TULP4: variants seen among roughly 807,000 people sequenced by gnomAD.
TULP4 encodes tubby-related protein 4.
TULP4 carries 16 observed loss-of-function variants against 129.0 expected under a neutral mutation model. That is an observed-to-expected ratio of 0.12 (90% CI 0.08 to 0.19). TULP4 has a LOEUF of 0.19. Ranked by LOEUF, TULP4 falls within the 10% of genes least tolerant of loss-of-function variation. The pLI is 1.00. For synonymous variants in TULP4, 998 were observed against 854.0 expected (o/e 1.17, Z -2.94); for missense variants, 1,842 against 2,059.1 (o/e 0.89, Z 2.04).
At chr6:158,331,717 A>G (rs1779884640) in intron 1 of TULP4, among the ~76,000 whole-genome samples, 1 of 23,206 alleles carries the variant, frequency 4.3e-5, no homozygotes, top group Non-Finnish European at 1.4e-4. Context: ...ACACACACAC[A>G]CACACACACA....
chr6:158,409,626 G>A (rs1778047994), intron 1 of TULP4, among the ~76,000 whole-genome samples: 2 of 152,188 alleles, frequency 1.3e-5, no homozygotes, highest in African/African-American at 2.4e-5. Flanking sequence ...TAGAGAACAG[G>A]AAGTAAGCTA....
intron 4 of TULP4, among the ~76,000 whole-genome samples, chr6:158,451,022 G>A (rs1330624727): frequency 3.3e-5 from 5 of 152,044 alleles, no homozygotes; most frequent in Admixed American, 6.6e-5. Flanking sequence ...CCAAGATCGC[G>A]CCACTGCATT....
intron 8 of TULP4, chr6:158,481,590 A>G (rs1779946808): frequency 2.2e-6 from 1 of 450,292 alleles, no homozygotes; most frequent in Non-Finnish European, 4.1e-6. Context: ...TCCTCTTCAC[A>G]GTTACCGAGT....
chr6:158,424,715 T>C (rs1583861298), intron 2 of TULP4, among the ~76,000 whole-genome samples: 1 of 152,174 alleles, frequency 6.6e-6, no homozygotes, highest in African/African-American at 2.4e-5. Flanking sequence ...CAAAGTTGGT[T>C]GAATTCATGG....
At chr6:158,406,188 C>G (rs989099521) in intron 1 of TULP4, among the ~76,000 whole-genome samples, 1 of 152,158 alleles carries the variant, frequency 6.6e-6, no homozygotes, top group African/African-American at 2.4e-5. Flanking sequence ...CTCTTGGACC[C>G]TGACCTAACC....
chr6:158,439,015 C>T (rs1193928075), intron 3 of TULP4, among the ~76,000 whole-genome samples: 1 of 151,580 alleles, frequency 6.6e-6, no homozygotes, highest in African/African-American at 2.4e-5. Context: ...ACTAAAGATA[C>T]AAAAAATTAG....
Position 158,511,821 on chromosome 6 carries a change from T to A in TULP4, c.*5127T>A, listed in dbSNP as rs1173317292. On this transcript the variant is annotated 3_prime_UTR_variant, in exon 14 of 14. Coordinates refer to ENST00000367097, the MANE Select transcript of TULP4 (RefSeq NM_020245.5). ...CTATTGCTTAATAAAATTTTGCAGA[T>A]CAAAAAAGTTGTGTGCAGAATTCTT... 6.6e-6 allele frequency: 1 copy of A among 152,196 alleles called. No individual in the cohort carries two copies. The highest frequency in any genetic ancestry group is 1.5e-5 in the Non-Finnish European group (1 of 68,026). The allele number at this position is 152,196 out of a possible 1,614,324, so 9.4% of individuals were successfully genotyped here.
chr6:158,249,732 C>T (rs1352657908), intron 1 of TULP4, among the ~76,000 whole-genome samples: 1 of 152,202 alleles, frequency 6.6e-6, no homozygotes, highest in Non-Finnish European at 1.5e-5. Flanking sequence ...ATCTTAATTA[C>T]ATTAACCTTT....
At chr6:158,498,475 AC>A (rs1173520066) in intron 11 of TULP4, among the ~76,000 whole-genome samples, 193 bp from the exon 12 acceptor site, 15 of 152,368 alleles carry the variant, frequency 9.8e-5, no homozygotes, top group Non-Finnish European at 1.9e-4. Flanking sequence ...TGAATCCAGA[AC>A]TGTGGCTAGT....
At chr6:158,452,112 C>G (rs1779174713) in intron 4 of TULP4, 22 bp from the exon 5 acceptor site, 2 of 1,611,426 alleles carry the variant, frequency 1.2e-6, no homozygotes, top group African/African-American at 2.7e-5. Flanking sequence ...CTCCTTTTCA[C>G]TTGGCACTTG....
At chr6:158,368,621 G>A (rs1481734808) in intron 1 of TULP4, among the ~76,000 whole-genome samples, 1 of 152,098 alleles carries the variant, frequency 6.6e-6, no homozygotes, top group Admixed American at 6.6e-5. Flanking sequence ...TGGATTGACT[G>A]GTTCATTTCT....
chr6:158,239,442 C>A (rs1390645757), intron 1 of TULP4, among the ~76,000 whole-genome samples: 1 of 64,746 alleles, frequency 1.5e-5, no homozygotes, highest in African/African-American at 4.9e-5. Flanking sequence ...CCGGACGGGG[C>A]GGCTGGCCGG....
At chr6:158,305,324 C>CGTGCGT (rs1554278450) in intron 1 of TULP4, among the ~76,000 whole-genome samples, 5 of 141,748 alleles carry the variant, frequency 3.5e-5, no homozygotes, top group East Asian at 2.1e-4. Flanking sequence ...ATTCTGTGTG[C>CGTGCGT]GTGTGTGTGT....
rs969822676 is a variant in TULP4 at position 158,392,971 on chromosome 6, AC to A, written c.253-20093del. On this transcript the variant is annotated intron_variant, in intron 1 of 13. Transcript: ENST00000367097. Reference sequence around the variant, plus strand: ...ACTCCAGCCTGGGTGACAGAGTGAGACTCTGTCTGTATTTAAAAAAAAAAAA... The same window carrying A: ...ACTCCAGCCTGGGTGACAGAGTGAGATCTGTCTGTATTTAAAAAAAAAAAA... Among the ~76,000 whole-genome samples the A allele has an allele frequency of 3.4e-5, 3 of 89,234 alleles. No homozygotes were observed. The East Asian group carries it at 8.4e-4, about 25-fold the overall frequency. The allele number at this position is 89,234 out of a possible 152,430, so 58.5% of individuals were successfully genotyped here.
chr6:158,240,356 A>C (rs1583666057), intron 1 of TULP4, among the ~76,000 whole-genome samples: 1 of 60,894 alleles, frequency 1.6e-5, no homozygotes, highest in Non-Finnish European at 3.4e-5. Flanking sequence ...TGACTCCCCC[A>C]CCTCCCTCCC....
intron 1 of TULP4, among the ~76,000 whole-genome samples, chr6:158,411,039 ACTT>A (rs1189674738): frequency 6.6e-6 from 1 of 151,324 alleles, no homozygotes; most frequent in East Asian, 1.9e-4. Flanking sequence ...AAAGTAAACT[ACTT>A]GAGGGAGCTG....
intron 5 of TULP4, among the ~76,000 whole-genome samples, chr6:158,456,660 C>T (rs2115166789): frequency 6.6e-6 from 1 of 152,226 alleles, no homozygotes; most frequent in Non-Finnish European, 1.5e-5. Flanking sequence ...GGTGAAACCT[C>T]ATCTCTACTA....
At chr6:158,353,538 T>C (rs1472463719) in intron 1 of TULP4, among the ~76,000 whole-genome samples, 1 of 152,162 alleles carries the variant, frequency 6.6e-6, no homozygotes, top group East Asian at 1.9e-4. Flanking sequence ...AAATTGAGGG[T>C]GGTGTACCTA....
At chr6:158,330,650 C>T (rs1482452608) in intron 1 of TULP4, among the ~76,000 whole-genome samples, 3 of 152,170 alleles carry the variant, frequency 2.0e-5, no homozygotes, top group Non-Finnish European at 4.4e-5. Flanking sequence ...GGAAATTTAA[C>T]GTCAATTCAA....
Sources: allele counts gnomAD v4.1 joint callset (sites outside exome capture counted in the v4.1 genomes callset), GRCh38; gene constraint gnomAD v4.1.1; transcripts MANE v1.5; gene names NCBI Gene and HGNC (gene_info 2026-07-23, HGNC 2026-07-21).